The following RELN variants were observed in gnomAD, a reference collection of about 807,000 sequenced individuals.
RELN encodes the protein reelin.
Under a neutral mutation model 427.6 loss-of-function variants are expected in RELN, and 108 were observed. The ratio of observed to expected loss-of-function variants is 0.25; its 90% confidence interval spans 0.22 to 0.30. The LOEUF is 0.30. Among genes scored for constraint, RELN ranks in the 10% least tolerant of loss-of-function variants. RELN has a pLI of 1.00. For synonymous variants in RELN, 1,524 were observed against 1,513.4 expected (o/e 1.01, Z -0.16); for missense variants, 3,715 against 4,302.8 (o/e 0.86, Z 3.82).
At chr7:103,957,703 A>G (rs1442656274) in intron 1 of RELN, among the ~76,000 whole-genome samples, 1 of 152,078 alleles carries the variant, frequency 6.6e-6, no homozygotes, top group Non-Finnish European at 1.5e-5. Flanking sequence ...ATGTACCTGT[A>G]TTCATTTTAC....
chr7:103,862,809 G>A (rs937396052), intron 2 of RELN, among the ~76,000 whole-genome samples: 11 of 152,102 alleles, frequency 7.2e-5, no homozygotes, highest in African/African-American at 2.4e-4. Context: ...TGGGTGACAG[G>A]AGCAGATGGT....
At chr7:103,948,082 T>C (rs1796255978) in intron 1 of RELN, among the ~76,000 whole-genome samples, 1 of 152,220 alleles carries the variant, frequency 6.6e-6, no homozygotes, top group South Asian at 2.1e-4. Flanking sequence ...CACAAAGGCA[T>C]AAACAAGCAT....
chr7:103,923,021 A>T, intron 1 of RELN, among the ~76,000 whole-genome samples: 1 of 152,200 alleles, frequency 6.6e-6, no homozygotes, highest in Non-Finnish European at 1.5e-5. Flanking sequence ...ACCAATTGCA[A>T]AGTTTCCATT....
At chr7:103,587,609 T>C (rs1831306979) in intron 28 of RELN, among the ~76,000 whole-genome samples, 1 of 151,858 alleles carries the variant, frequency 6.6e-6, no homozygotes, top group African/African-American at 2.4e-5. Context: ...ATCGGAAAAA[T>C]ATTTGCAACT....
At position 103,547,346 on chromosome 7, in the gene RELN, G is replaced by C. The variant is rs541580997; in HGVS notation, c.6303-2002C>G. Among the ~76,000 whole-genome samples the C allele has an allele frequency of 5.4e-3, 817 of 152,274 alleles. 1 individual carries two copies. Among genetic ancestry groups the C allele is most frequent in the Non-Finnish European group, 8.2e-3 (556 of 68,020 alleles). ...CATCTTGCTCTTGTCGCCCAGGCTT[G>C]AGTGCAGTGGCACGATCTTGGCTCA... On this transcript the variant is annotated intron_variant, in intron 41 of 64. Transcript: ENST00000428762.
chr7:103,864,987 C>G (rs1280735037), intron 2 of RELN, among the ~76,000 whole-genome samples: 1 of 151,242 alleles, frequency 6.6e-6, no homozygotes, highest in Non-Finnish European at 1.5e-5. Context: ...AAAAATTAGC[C>G]AGGCATGGTG....
intron 53 of RELN, among the ~76,000 whole-genome samples, chr7:103,498,498 A>ATT (rs11289934): frequency 6.7e-6 from 1 of 150,042 alleles, no homozygotes; most frequent in Admixed American, 6.7e-5. Flanking sequence ...GACTATATCA[A>ATT]TTTTTTTTTT....
chr7:103,747,151 A>C (rs555792653), intron 6 of RELN, among the ~76,000 whole-genome samples: 25 of 152,166 alleles, frequency 1.6e-4, no homozygotes, highest in South Asian at 2.1e-4. Context: ...TTCTCAGCAA[A>C]CTATCGCAAG....
intron 6 of RELN, among the ~76,000 whole-genome samples, chr7:103,728,776 C>G (rs112605918): frequency 1.1e-4 from 16 of 152,208 alleles, no homozygotes; most frequent in Non-Finnish European, 1.6e-4. Flanking sequence ...TGTCCTCAAA[C>G]AAATCTGCAT....
chr7:103,637,483 A>C (rs893073626), intron 17 of RELN, among the ~76,000 whole-genome samples: 1 of 152,172 alleles, frequency 6.6e-6, no homozygotes, highest in African/African-American at 2.4e-5. Context: ...GAGTCCATGG[A>C]ATGTAAAAAT....
intron 49 of RELN, among the ~76,000 whole-genome samples, chr7:103,518,368 T>C: frequency 6.9e-6 from 1 of 144,330 alleles, no homozygotes; most frequent in African/African-American, 2.6e-5. Context: ...GGTCTTACTC[T>C]GTCACCCAGG....
chr7:103,478,316 T>G (rs1246640679), intron 64 of RELN, 73 bp downstream of exon 64: 3 of 683,118 alleles, frequency 4.4e-6, no homozygotes, highest in Non-Finnish European at 7.9e-6. Flanking sequence ...TTTACAAAAC[T>G]TCTCAGTTAA....
chr7:103,588,027 T>A (rs1181747009), intron 28 of RELN, among the ~76,000 whole-genome samples: 1 of 152,206 alleles, frequency 6.6e-6, no homozygotes, highest in Non-Finnish European at 1.5e-5. Flanking sequence ...CCAGTAATCC[T>A]ACTACTGGGT....
At chr7:103,487,421 T>A (rs1277977763) in intron 60 of RELN, among the ~76,000 whole-genome samples, 7 of 82,428 alleles carry the variant, frequency 8.5e-5, no homozygotes, top group South Asian at 7.1e-4. Flanking sequence ...AAGAGAAATA[T>A]AACAAAATCC....
intron 3 of RELN, among the ~76,000 whole-genome samples, chr7:103,799,737 A>C (rs983374915): frequency 6.6e-6 from 1 of 152,192 alleles, no homozygotes; most frequent in Non-Finnish European, 1.5e-5. Context: ...GTTATAATTA[A>C]GCGTTCTATT....
intron 41 of RELN, among the ~76,000 whole-genome samples, chr7:103,548,343 T>C (rs1358953165): frequency 1.3e-5 from 2 of 152,242 alleles, no homozygotes; most frequent in Admixed American, 1.3e-4. Context: ...TATATATATA[T>C]GCTTTTAGCA....
intron 4 of RELN, among the ~76,000 whole-genome samples, chr7:103,772,380 T>C (rs1036183332): frequency 1.4e-4 from 22 of 152,228 alleles, no homozygotes; most frequent in Admixed American, 1.4e-3. Flanking sequence ...GTGCCTTTGT[T>C]TCCTCATCTT....
At chr7:103,762,560 A>G (rs756636540) in intron 4 of RELN, among the ~76,000 whole-genome samples, 5 of 152,220 alleles carry the variant, frequency 3.3e-5, no homozygotes, top group Non-Finnish European at 7.3e-5. Flanking sequence ...GAGAGACTCT[A>G]TCTTGAATAT....
chr7:103,528,690 G>A (rs569663771), intron 46 of RELN, among the ~76,000 whole-genome samples: 29 of 151,748 alleles, frequency 1.9e-4, no homozygotes, highest in African/African-American at 6.3e-4. Flanking sequence ...CACCGCGCCC[G>A]GCTAATTTTT....
Sources: gnomAD v4.1 joint callset for allele counts (sites outside exome capture counted in the v4.1 genomes callset) on GRCh38, gnomAD v4.1.1 for gene constraint, MANE v1.5 for transcripts, NCBI Gene and HGNC (gene_info 2026-07-23, HGNC 2026-07-21) for gene names.